The following RAD23B variants were observed in gnomAD, a reference collection of about 807,000 sequenced individuals.
RAD23B encodes the protein lysine-specific demethylase RAD23B.
RAD23B carries 5 observed loss-of-function variants against 49.1 expected under a neutral mutation model. The ratio of observed to expected loss-of-function variants is 0.10; its 90% CI spans 0.05 to 0.21. The LOEUF is 0.21. RAD23B is among the 10% of genes least tolerant of loss of function. The pLI is 1.00. For missense variants in RAD23B, 356 were observed against 486.7 expected, an observed-to-expected ratio of 0.73 and a Z score of 2.53; for synonymous variants, 184 against 165.4, an observed-to-expected ratio of 1.11 and a Z score of -0.86.
At chr9:107,326,431 A>T (rs1234398940) in intron 9 of RAD23B, among the ~76,000 whole-genome samples, 1 of 145,382 alleles carries the variant, frequency 6.9e-6, no homozygotes, top group Non-Finnish European at 1.5e-5. Flanking sequence ...CAGTGAGCCG[A>T]GATTGCGCCA....
intron 9 of RAD23B, among the ~76,000 whole-genome samples, chr9:107,328,278 CTT>C (rs1827245930): frequency 6.6e-6 from 1 of 152,144 alleles, no homozygotes; most frequent in Admixed American, 6.5e-5. Flanking sequence ...ACACAGCAGT[CTT>C]TAACCTTTTT....
Position 107,331,873 on chromosome 9 carries a change from A to G in RAD23B, c.*2217A>G, listed in dbSNP as rs1827316431. 7 of 521,194 alleles carry G rather than the reference A, an allele frequency of 1.3e-5. No individual in the cohort carries two copies. The allele number at this position is 521,194 out of a possible 1,614,324, so 32.3% of individuals were successfully genotyped here. A position where few individuals can be genotyped will look rare whatever the true frequency, so the allele number is the denominator to read the frequency against. On this transcript the variant is annotated 3_prime_UTR_variant, in exon 10 of 10. Coordinates refer to ENST00000358015, the MANE Select transcript of RAD23B (RefSeq NM_002874.5). ...TAAAGAATCAGCCGAGACACCATAA[A>G]AGAAATAGGCTTTTTGTGCCTTTTG...
chr9:107,291,745 A>G (rs1309284025), intron 1 of RAD23B, among the ~76,000 whole-genome samples: 4 of 152,246 alleles, frequency 2.6e-5, no homozygotes, highest in Admixed American at 2.0e-4. Flanking sequence ...CCAAAAAAGA[A>G]AAAGCATTAC....
rs1374381170 is a variant in RAD23B, at chr9:107,318,281, C to T, written c.554-471C>T. ...GGAGACTCCGGGGAAGAATTTTTTTCCTGATCCTGTCCTACCATACCTTGG... is the reference window on the plus strand; with the variant it reads ...GGAGACTCCGGGGAAGAATTTTTTTTCTGATCCTGTCCTACCATACCTTGG... On this transcript the variant is annotated intron_variant, in intron 5 of 9. Coordinates refer to ENST00000358015, the MANE Select transcript of RAD23B (RefSeq NM_002874.5). The surrounding 1 kb of genome is among the most constrained non-coding windows in gnomAD (Gnocchi z 4.3). Among the ~76,000 whole-genome samples the T allele has an allele frequency of 2.0e-5, 3 of 152,116 alleles. No homozygotes were observed. The highest frequency in any genetic ancestry group is 6.5e-5 in the Admixed American group (1 of 15,280).
Position 107,331,827 on chromosome 9 carries a change from G to GGAT in RAD23B, c.*2171_*2172insGAT. ...GGCCAAGTTTTGATCGTTCCATACA[G>GGAT]TACCTTGTTTATCTGCTTCTTAAAG... On this transcript the variant is annotated 3_prime_UTR_variant, in exon 10 of 10. Transcript: ENST00000358015. 1 of 659,710 alleles carries GGAT rather than the reference G, an allele frequency of 1.5e-6. No individual in the cohort carries two copies. The highest frequency in any genetic ancestry group is 2.4e-5 in the Admixed American group (1 of 40,874). 40.9% of individuals were successfully genotyped at this position (659,710 alleles called of 1,614,324 possible).
At chr9:107,323,098 A>G (rs1390394952) in intron 7 of RAD23B, among the ~76,000 whole-genome samples, 1 of 152,220 alleles carries the variant, frequency 6.6e-6, no homozygotes, top group Non-Finnish European at 1.5e-5. Flanking sequence ...AGTAACCTCA[A>G]AAACAATTCC....
In RAD23B at chr9:107,324,840, A is replaced by G. The variant is rs1253902557; in HGVS notation, c.952A>G (p.Ser318Gly). Residue 318 changes from serine (S) to glycine (G), a missense_variant, in exon 9 of 10, where the codon AGC becomes GGC. Around this residue, in one of 5 missense-constraint regions of RAD23B, gnomAD observed 148 missense variants for 231.7 expected, o/e 0.64. Transcript: ENST00000358015. ...GTCCTTCATATCACCACAGCAAATT[A>G]GCCAACACCAGGAGCATTTTATTCA... ...RENPQLLQQI[S>G]QHQEHFIQML... 3 of 1,604,206 alleles carry G rather than the reference A, an allele frequency of 1.9e-6. No homozygotes were observed. In the East Asian group the frequency reaches 6.7e-5, roughly 36 times the overall value.
chr9:107,317,989 CA>C (rs1474336852), intron 5 of RAD23B, among the ~76,000 whole-genome samples: 1 of 152,020 alleles, frequency 6.6e-6, no homozygotes, highest in Admixed American at 6.6e-5. Context: ...TTTGAAATAC[CA>C]TCCCTTCCCC....
Position 107,324,996 on chromosome 9 carries a change from A to G in RAD23B, c.1108A>G (p.Ile370Val). The G allele has an allele frequency of 1.9e-6, 3 of 1,613,122 alleles. No individual in the cohort carries two copies. Among genetic ancestry groups the G allele is most frequent in the Non-Finnish European group, 2.5e-6 (3 of 1,179,650 alleles). The part of the protein sequence containing the change: ...IQVTPQEKEA[I>V]ERLKALGFPE... ...AGTAACACCTCAGGAAAAAGAAGCT[A>G]TAGAAAGGGTGAGTTTAAGTAAAAC... is the stretch of plus-strand genomic sequence containing the variant. The change falls in exon 9 of 10, where the codon ATA (isoleucine) becomes GTA (valine). Residue 370 changes from isoleucine to valine, a missense_variant. Transcript: ENST00000358015.
intron 5 of RAD23B, 48 bp downstream of exon 5, chr9:107,311,785 GAGGTT>G: frequency 7.2e-7 from 1 of 1,379,536 alleles, no homozygotes; most frequent in Non-Finnish European, 9.9e-7. Flanking sequence ...AGATAGGAAA[GAGGTT>G]TCACTTTTCT....
chr9:107,284,138 G>A, intron 1 of RAD23B: 1 of 990,650 alleles, frequency 1.0e-6, no homozygotes, highest in Non-Finnish European at 1.2e-6. Context: ...AACCCGAGAA[G>A]ATGAGCCTTA....
chr9:107,331,893 CT>C lies in RAD23B; in HGVS notation c.*2241del. On this transcript the variant is annotated 3_prime_UTR_variant, in exon 10 of 10. Transcript: ENST00000358015. ...CATAAAAGAAATAGGCTTTTTGTGC[CT>C]TTTGCTGTTAATGTTTAATTTACAA... is the stretch of plus-strand genomic sequence containing the variant. 1 of 489,102 alleles carries C rather than the reference CT, an allele frequency of 2.0e-6. No individual in the cohort carries two copies. The allele number at this position is 489,102 out of a possible 1,614,324, so 30.3% of individuals were successfully genotyped here. A position where few individuals can be genotyped will look rare whatever the true frequency, so the allele number is the denominator to read the frequency against.
At position 107,298,296 on chromosome 9, in the gene RAD23B, G is replaced by A. The variant is rs1338007710; in HGVS notation, c.67-1845G>A. On this transcript the variant is annotated intron_variant, in intron 1 of 9. Coordinates refer to ENST00000358015, the MANE Select transcript of RAD23B (RefSeq NM_002874.5). ...TGAGGGCTCCAAAATAACTTTTGTC[G>A]ATATGCTTACGTTTTATTTTATTTA... 2.0e-5 allele frequency among the ~76,000 whole-genome samples: 3 copies of A among 151,842 alleles called. No individual in the cohort carries two copies. In the South Asian group the frequency reaches 6.2e-4, roughly 32 times the overall value.
chr9:107,293,609 C>T (rs565821571), intron 1 of RAD23B, among the ~76,000 whole-genome samples: 91 of 152,206 alleles, frequency 6.0e-4, no homozygotes, highest in Middle Eastern at 3.4e-3. Context: ...ACAGTGAGCA[C>T]GCTGTTATAT....
chr9:107,300,286 A>G (rs1347744767), intron 2 of RAD23B, 64 bp downstream of exon 2: 18 of 1,519,154 alleles, frequency 1.2e-5, no homozygotes, highest in Non-Finnish European at 1.6e-5. Context: ...TAGAAATGTT[A>G]TCTTATATAT....
At chr9:107,299,765 G>C (rs1826609205) in intron 1 of RAD23B, among the ~76,000 whole-genome samples, 1 of 152,050 alleles carries the variant, frequency 6.6e-6, no homozygotes, top group Non-Finnish European at 1.5e-5. Flanking sequence ...TATTCTTATT[G>C]TTGATGAGAC....
chr9:107,284,640 A>G, intron 1 of RAD23B: 3 of 879,062 alleles, frequency 3.4e-6, no homozygotes, highest in South Asian at 3.1e-5. Flanking sequence ...GAATCTAAAA[A>G]CGCTGTGAGT....
At chr9:107,321,068 A>G (rs1389667987) in intron 6 of RAD23B, among the ~76,000 whole-genome samples, 1 of 152,190 alleles carries the variant, frequency 6.6e-6, no homozygotes, top group Non-Finnish European at 1.5e-5. Context: ...ATGTGCATCA[A>G]AATAGGTGTC....
chr9:107,284,962 T>C (rs1179481147), intron 1 of RAD23B: 4 of 1,301,134 alleles, frequency 3.1e-6, no homozygotes, highest in Non-Finnish European at 4.1e-6. Context: ...ATTTAAACAA[T>C]GGATTCCTTT....
Sources: allele counts gnomAD v4.1 joint callset (sites outside exome capture counted in the v4.1 genomes callset), GRCh38; gene constraint gnomAD v4.1.1; regional missense constraint gnomAD v4.1.1; non-coding constraint Gnocchi (gnomAD v3.1); transcripts MANE v1.5; gene names NCBI Gene and HGNC (gene_info 2026-07-23, HGNC 2026-07-21).